The following SAFB2 variants were observed in gnomAD, a reference collection of about 807,000 sequenced individuals.
The protein encoded by SAFB2 is scaffold attachment factor B2.
Under a neutral mutation model 100.6 loss-of-function variants are expected in SAFB2, and 32 were observed. The ratio of observed to expected loss-of-function variants is 0.32; its 90% confidence interval spans 0.24 to 0.43. The LOEUF (loss-of-function observed/expected upper bound fraction) is 0.43. Ranked by LOEUF, SAFB2 falls within the 20% of genes least tolerant of loss-of-function variation. The pLI, the probability that SAFB2 is intolerant of heterozygous loss-of-function variation, is 1.00. For missense variants in SAFB2, 1,185 were observed against 1,163.4 expected, an observed-to-expected ratio of 1.02 and a Z score of -0.27; for synonymous variants, 500 against 439.4, an observed-to-expected ratio of 1.14 and a Z score of -1.72.
At chr19:5,592,979 TC>T in intron 15 of SAFB2, 92 bp from the exon 16 acceptor site, 1 of 1,198,044 alleles carries the variant, frequency 8.3e-7, no homozygotes. Context: ...GGGAGCTCTC[TC>T]CCCAGACCCA....
At chr19:5,611,836 GGAAGA>G in intron 6 of SAFB2, 1 of 707,578 alleles carries the variant, frequency 1.4e-6, no homozygotes, top group Middle Eastern at 2.9e-4. Flanking sequence ...TACGCTACAC[GGAAGA>G]GAAAAGGCCC....
chr19:5,594,260 T>C (rs1226452592), intron 14 of SAFB2, 82 bp from the exon 15 acceptor site: 5 of 1,434,126 alleles, frequency 3.5e-6, no homozygotes, highest in African/African-American at 1.5e-5. Flanking sequence ...TGGGTGTGTA[T>C]TGGAAGCAGA....
rs1270860833 is a variant in SAFB2 at position 5,587,835 on chromosome 19, C to T, written c.2638+33G>A. The stretch of plus-strand genomic sequence containing the variant: ...AGCCCCTGGACACATGTGGGGGCCA[C>T]AGCCACCCTCGTCCCTGGAGCCAGC... On this transcript the variant is annotated intron_variant, in intron 19 of 20. Coordinates refer to ENST00000252542, the MANE Select transcript of SAFB2 (RefSeq NM_014649.3). The surrounding 1 kb of genome is among the most constrained non-coding windows in gnomAD (Gnocchi z 4.9). 1 of 1,586,394 alleles carries T rather than the reference C, an allele frequency of 6.3e-7. No homozygotes were observed. The highest frequency in any genetic ancestry group is 1.8e-5 in the Admixed American group (1 of 56,520).
intron 7 of SAFB2, 32 bp from the exon 8 acceptor site, chr19:5,610,720 G>T: frequency 1.4e-6 from 2 of 1,403,816 alleles, no homozygotes; most frequent in South Asian, 1.3e-5. Flanking sequence ...ACTCATACAG[G>T]AAAAAAACGA....
chr19:5,592,656 A>G, intron 16 of SAFB2, 91 bp downstream of exon 16: 1 of 1,459,460 alleles, frequency 6.9e-7, no homozygotes, highest in South Asian at 1.2e-5. Flanking sequence ...CAGAGCACAC[A>G]GGAACCCCTG....
chr19:5,593,484 C>T, intron 15 of SAFB2: 1 of 185,958 alleles, frequency 5.4e-6, no homozygotes, highest in East Asian at 1.5e-4. Context: ...TTTTCCACAG[C>T]GCCTGCTCTG....
chr19:5,616,034 A>C (rs1599277342), intron 4 of SAFB2, 98 bp downstream of exon 4: 1 of 1,078,854 alleles, frequency 9.3e-7, no homozygotes, highest in African/African-American at 1.5e-5. Context: ...CTGTGTGTTC[A>C]TGGCGGTTTA....
In SAFB2 at chr19:5,621,514, C is replaced by A. The variant is rs966178248; in HGVS notation, c.187-118G>T. Reference sequence around the variant, plus strand: ...AACCCGTCCTTGCAAAGAGCAACTCCGGGTCAGCTATCTGGGCCGCAAGCC... The same window carrying A: ...AACCCGTCCTTGCAAAGAGCAACTCAGGGTCAGCTATCTGGGCCGCAAGCC... On this transcript the variant is annotated intron_variant, in intron 1 of 20. Coordinates refer to ENST00000252542, the MANE Select transcript of SAFB2 (RefSeq NM_014649.3). 1.1e-5 allele frequency: 8 copies of A among 741,260 alleles called. No homozygotes were observed. In the African/African-American group the frequency reaches 1.4e-4, roughly 13 times the overall value. 45.9% of individuals were successfully genotyped at this position (741,260 alleles called of 1,614,324 possible).
chr19:5,609,230 A>G (rs2052849026), intron 9 of SAFB2, among the ~76,000 whole-genome samples: 1 of 151,700 alleles, frequency 6.6e-6, no homozygotes, highest in Non-Finnish European at 1.5e-5. Context: ...TTGAACCACG[A>G]TCATGTTCTA....
In SAFB2 at chr19:5,587,753, G is replaced by A; in HGVS notation, c.2653C>T (p.Leu885=). Reference sequence around the variant, plus strand: ...TGCCCCGGCCCCGAGGGCCCAGACAGGCCCCTCTCGCCACCTAGAAGAGAA... The same window carrying A: ...TGCCCCGGCCCCGAGGGCCCAGACAAGCCCCTCTCGCCACCTAGAAGAGAA... ...HARWQGGERG[L]SGPSGPGHMA... The change falls in exon 20 of 21, where the codon CTG becomes TTG. Residue 885 remains leucine (L), a synonymous_variant. Transcript: ENST00000252542. The surrounding 1 kb of genome is among the most constrained non-coding windows in gnomAD (Gnocchi z 4.9). The A allele has an allele frequency of 6.4e-7, 1 of 1,552,416 alleles. No homozygotes were observed.
intron 9 of SAFB2, among the ~76,000 whole-genome samples, chr19:5,605,238 G>A (rs748424925): frequency 7.9e-5 from 12 of 151,946 alleles, no homozygotes; most frequent in South Asian, 4.1e-4. Flanking sequence ...CGAAGTAGCT[G>A]GGATTACAGG....
intron 9 of SAFB2, 117 bp downstream of exon 9, chr19:5,609,878 T>G (rs1396865731): frequency 1.2e-6 from 1 of 844,236 alleles, no homozygotes; most frequent in Admixed American, 2.1e-5. Flanking sequence ...GCTCAAGCAA[T>G]CCTCCTGCCT....
At chr19:5,602,479 C>CAAAA (rs35472223) in intron 11 of SAFB2, among the ~76,000 whole-genome samples, 2 of 39,514 alleles carry the variant, frequency 5.1e-5, no homozygotes, top group African/African-American at 2.2e-4. Flanking sequence ...GACTCTGTCT[C>CAAAA]AAAAAAAAAA....
chr19:5,610,144 A>G (rs2052877447), intron 8 of SAFB2, 49 bp from the exon 9 acceptor site: 1 of 1,482,674 alleles, frequency 6.7e-7, no homozygotes, highest in African/African-American at 1.4e-5. Flanking sequence ...CCTAACAGGA[A>G]GCACAACCAT....
chr19:5,602,661 T>C lies in SAFB2; in HGVS notation c.1559+1922A>G, dbSNP rs2052688089. Among the ~76,000 whole-genome samples the C allele has an allele frequency of 3.3e-5, 5 of 152,122 alleles. 1 individual carries two copies. In the South Asian group the frequency reaches 1.0e-3, roughly 32 times the overall value. ...ACATAGAGCAAGTGCCTCACAGGGCTACTACAAGGACCAAGGAAACTGCTG... is the reference window on the plus strand; with the variant it reads ...ACATAGAGCAAGTGCCTCACAGGGCCACTACAAGGACCAAGGAAACTGCTG... On this transcript the variant is annotated intron_variant, in intron 11 of 20. Transcript: ENST00000252542.
At chr19:5,613,429 A>C in intron 5 of SAFB2, 36 bp downstream of exon 5, 1 of 1,569,716 alleles carries the variant, frequency 6.4e-7, no homozygotes, top group Non-Finnish European at 8.8e-7. Flanking sequence ...CACTCGATTA[A>C]CATTTCCAGC....
Position 5,612,095 on chromosome 19 carries a change from T to C in SAFB2, c.634+445A>G, listed in dbSNP as rs1001343163. ...AACGCAGTCCGGAAGGGGAATAATA[T>C]GTTGAAAATTTTCACGGAGAAACTC... On this transcript the variant is annotated intron_variant, in intron 6 of 20. Transcript: ENST00000252542. The C allele has an allele frequency of 1.6e-5, 5 of 319,990 alleles. No individual in the cohort carries two copies. The East Asian group carries it at 2.5e-4, about 16-fold the overall frequency. The allele number at this position is 319,990 out of a possible 1,614,324, so 19.8% of individuals were successfully genotyped here.
chr19:5,613,377 T>C, intron 5 of SAFB2, 88 bp downstream of exon 5: 2 of 1,165,088 alleles, frequency 1.7e-6, no homozygotes, highest in East Asian at 2.4e-5. Context: ...TCCAGTCATT[T>C]CCATACACAT....
At chr19:5,603,161 G>A (rs573811309) in intron 11 of SAFB2, among the ~76,000 whole-genome samples, 1 of 152,186 alleles carries the variant, frequency 6.6e-6, no homozygotes, top group African/African-American at 2.4e-5. Context: ...CCAGCTACTA[G>A]GGAGGCTGAG....
Sources: allele counts gnomAD v4.1 joint callset (sites outside exome capture counted in the v4.1 genomes callset), GRCh38; gene constraint gnomAD v4.1.1; non-coding constraint Gnocchi (gnomAD v3.1); transcripts MANE v1.5; gene names NCBI Gene and HGNC (gene_info 2026-07-23, HGNC 2026-07-21).